Variants in LARP4B observed in about 807,000 individuals in gnomAD.
LARP4B encodes the protein la-related protein 4B.
In LARP4B, 12 loss-of-function variants were observed where a neutral mutation model predicts 89.8. That is an observed-to-expected ratio of 0.13 (90% CI 0.09 to 0.22). LARP4B has a LOEUF of 0.22. Among genes scored for constraint, LARP4B ranks in the 10% least tolerant of loss-of-function variants. The pLI, the probability that LARP4B is intolerant of heterozygous loss-of-function variation, is 1.00. For synonymous variants in LARP4B, 367 were observed against 363.3 expected, an observed-to-expected ratio of 1.01 and a Z score of -0.12; for missense variants, 757 against 947.7, an observed-to-expected ratio of 0.80 and a Z score of 2.64.
chr10:817,639 T>C (rs1588846870), intron 15 of LARP4B, 86 bp downstream of exon 15: 1 of 1,290,640 alleles, frequency 7.7e-7, no homozygotes. Flanking sequence ...AAAACAAACA[T>C]GTATAAAGAG....
chr10:912,708 C>CAAAAAAAA (rs60998261), intron 1 of LARP4B, among the ~76,000 whole-genome samples: 1 of 91,242 alleles, frequency 1.1e-5, no homozygotes, highest in African/African-American at 5.0e-5. Context: ...CTCGTCTTGA[C>CAAAAAAAA]AAAAAAAAAA....
At chr10:978,765 T>C in the LARP4B span, among the ~76,000 whole-genome samples, 1 of 152,252 alleles carries the variant, frequency 6.6e-6, no homozygotes, top group Non-Finnish European at 1.5e-5. Context: ...CTCATTCTGA[T>C]CACTTTGCTT....
At chr10:908,697 C>T (rs1239928396) in intron 1 of LARP4B, among the ~76,000 whole-genome samples, 18 of 152,264 alleles carry the variant, frequency 1.2e-4, no homozygotes, top group South Asian at 1.0e-3. Context: ...ATTGTTGTGA[C>T]GCGAAAGCAG....
chr10:937,674 A>C, the LARP4B span, among the ~76,000 whole-genome samples: 1 of 152,144 alleles, frequency 6.6e-6, no homozygotes, highest in Non-Finnish European at 1.5e-5. Flanking sequence ...GAACAATCAG[A>C]CAAACTCGAA....
In LARP4B at chr10:885,745, T is replaced by G; in HGVS notation, c.-24A>C. 1 of 1,591,798 alleles carries G rather than the reference T, an allele frequency of 6.3e-7. No individual in the cohort carries two copies. The highest frequency in any genetic ancestry group is 8.6e-7 in the Non-Finnish European group (1 of 1,160,262). Reference sequence around the variant, plus strand: ...ATGGGCTCCACTGGGAGAAGTGTAATGCTAACCTCAGGATGCTGTAAAATG... The same window carrying G: ...ATGGGCTCCACTGGGAGAAGTGTAAGGCTAACCTCAGGATGCTGTAAAATG... On this transcript the variant is annotated 5_prime_UTR_variant, in exon 2 of 18. Coordinates refer to ENST00000316157, the MANE Select transcript of LARP4B (RefSeq NM_015155.3).
chr10:854,458 C>T (rs560868631), intron 5 of LARP4B, among the ~76,000 whole-genome samples: 2 of 152,260 alleles, frequency 1.3e-5, no homozygotes, highest in South Asian at 2.1e-4. Context: ...CATAGGCTAC[C>T]GAATGGATGT....
At chr10:840,328 T>G (rs1833462503) in intron 7 of LARP4B, among the ~76,000 whole-genome samples, 1 of 152,222 alleles carries the variant, frequency 6.6e-6, no homozygotes, top group African/African-American at 2.4e-5. Context: ...TGACACTGAA[T>G]GATGAGCTTC....
At chr10:845,088 C>T (rs769685959) in intron 5 of LARP4B, 33 bp from the exon 6 acceptor site, 14 of 1,542,446 alleles carry the variant, frequency 9.1e-6, no homozygotes, top group Admixed American at 5.5e-5. Flanking sequence ...TTAGGAAAAC[C>T]GGCTTAAAAT....
intron 14 of LARP4B, 181 bp downstream of exon 14, chr10:820,619 T>C (rs186196111): frequency 7.3e-4 from 438 of 600,964 alleles, no homozygotes; most frequent in South Asian, 1.9e-3. Flanking sequence ...TTCCAAAACC[T>C]CTACAGTTGC....
chr10:884,366 A>G, intron 3 of LARP4B, 81 bp downstream of exon 3: 2 of 1,010,940 alleles, frequency 2.0e-6, no homozygotes, highest in South Asian at 2.7e-5. Flanking sequence ...TTTTTGTTAC[A>G]ATAAACATTT....
At chr10:846,211 G>C (rs938071202) in intron 5 of LARP4B, among the ~76,000 whole-genome samples, 1 of 152,174 alleles carries the variant, frequency 6.6e-6, no homozygotes, top group African/African-American at 2.4e-5. Context: ...ATTTCCAAGT[G>C]CCAGGCACTA....
At chr10:859,837 G>A (rs961879622) in intron 5 of LARP4B, among the ~76,000 whole-genome samples, 3 of 150,710 alleles carry the variant, frequency 2.0e-5, no homozygotes, top group African/African-American at 7.3e-5. Flanking sequence ...AAACTATGGA[G>A]ACAGTGAAAA....
At chr10:850,466 G>T (rs1833985204) in intron 5 of LARP4B, among the ~76,000 whole-genome samples, 1 of 152,188 alleles carries the variant, frequency 6.6e-6, no homozygotes, top group African/African-American at 2.4e-5. Flanking sequence ...CCACAAAAAA[G>T]TCTTCAAAAT....
intron 1 of LARP4B, among the ~76,000 whole-genome samples, chr10:888,941 C>A (rs200376718): frequency 6.6e-6 from 1 of 152,056 alleles, no homozygotes; most frequent in African/African-American, 2.4e-5. Context: ...AAAAATTAGC[C>A]GGGTGTGGTG....
intron 3 of LARP4B, 35 bp downstream of exon 3, chr10:884,412 T>C: frequency 7.1e-7 from 1 of 1,399,366 alleles, no homozygotes; most frequent in African/African-American, 1.4e-5. Flanking sequence ...TGACTGTGAT[T>C]AAAAAATCTG....
upstream of LARP4B, among the ~76,000 whole-genome samples, chr10:936,306 C>T (rs1291253325): frequency 3.9e-5 from 6 of 151,928 alleles, 1 homozygote; most frequent in South Asian, 8.3e-4. Flanking sequence ...TTGGGTGGCT[C>T]ACAAGCGGGG....
At chr10:859,754 C>A (rs575574214) in intron 5 of LARP4B, among the ~76,000 whole-genome samples, 1 of 151,770 alleles carries the variant, frequency 6.6e-6, no homozygotes, top group Non-Finnish European at 1.5e-5. Context: ...ATGTACGTTA[C>A]TAAATGAAAG....
At position 812,871 on chromosome 10, in the gene LARP4B, G is replaced by T; in HGVS notation, c.*55C>A. The T allele has an allele frequency of 6.8e-7, 1 of 1,472,758 alleles. No homozygotes were observed. Among genetic ancestry groups the T allele is most frequent in the Non-Finnish European group, 9.0e-7 (1 of 1,111,402 alleles). The allele number at this position is 1,472,758 out of a possible 1,614,324, so 91.2% of individuals were successfully genotyped here. On this transcript the variant is annotated 3_prime_UTR_variant, in exon 18 of 18. Transcript: ENST00000316157. ...GCTCGCCCTCGCACTGAGTGGGAGA[G>T]TGTCTCGTTTGTGGTTAACACAGCG...
intron 5 of LARP4B, among the ~76,000 whole-genome samples, chr10:847,916 G>A (rs539495819): frequency 9.2e-5 from 14 of 152,348 alleles, no homozygotes; most frequent in Admixed American, 9.1e-4. Context: ...GGGAAGTCAG[G>A]TGGGAACCCA....
Sources: gnomAD v4.1 joint callset for allele counts (sites outside exome capture counted in the v4.1 genomes callset) on GRCh38, gnomAD v4.1.1 for gene constraint, MANE v1.5 for transcripts, NCBI Gene and HGNC (gene_info 2026-07-23, HGNC 2026-07-21) for gene names.